DST: variants seen among roughly 807,000 people sequenced by gnomAD.
DST encodes the protein dystonin, also known as bullous pemphigoid antigen.
Under a neutral mutation model 875.2 loss-of-function variants are expected in DST, and 253 were observed. The ratio of observed to expected loss-of-function variants is 0.29; its 90% confidence interval spans 0.26 to 0.32. DST has a LOEUF of 0.32. DST is among the 10% of genes least tolerant of loss of function. DST has a pLI of 1.00. For missense variants in DST, 8,287 were observed against 9,111.6 expected (o/e 0.91, Z 3.68); for synonymous variants, 3,124 against 3,197.1 (o/e 0.98, Z 0.77).
chr6:56,787,939 G>A (rs2099708376), intron 4 of DST, among the ~76,000 whole-genome samples: 1 of 151,610 alleles, frequency 6.6e-6, no homozygotes, highest in African/African-American at 2.4e-5. Flanking sequence ...ACGAGTTCAA[G>A]ACCAGCCTGG....
intron 3 of DST, among the ~76,000 whole-genome samples, chr6:56,891,379 C>G (rs1787331431): frequency 6.6e-6 from 1 of 151,904 alleles, no homozygotes; most frequent in Non-Finnish European, 1.5e-5. Context: ...ACAACACAGA[C>G]AGACTCCACC....
Position 56,619,844 on chromosome 6 carries a change from G to A in DST, c.4929+4686C>T, listed in dbSNP as rs760447065. On this transcript the variant is annotated intron_variant, in intron 36 of 103. Transcript: ENST00000680361. The stretch of plus-strand genomic sequence containing the variant: ...CAAACGAGCCTTTTCCTCAGATGAC[G>A]TTTTTTCAAGCTGGAGGGCATTAAG... 1.2e-5 allele frequency: 19 copies of A among 1,613,934 alleles called. No homozygotes were observed. The East Asian group carries it at 2.2e-4, about 19-fold the overall frequency.
rs367820554 is a variant in DST, at chr6:56,492,408, T to A, written c.20576A>T (p.His6859Leu). ...GTCCAGCTCTATTATCTGCTCACGA[T>A]GAGAATTTACTTCATTGGCAAAAAC... ...HKVFANEVNS[H>L]REQIIELDKT... Residue 6859 changes from histidine to leucine, a missense_variant, in exon 85 of 104, where the codon CAT becomes CTT. This residue lies in a region of DST where 1,292 missense variants were observed against 1,552.7 expected (regional missense o/e 0.83). Coordinates refer to ENST00000680361, the MANE Select transcript of DST (RefSeq NM_001374736.1). 8 of 1,613,184 alleles carry A rather than the reference T, an allele frequency of 5.0e-6. No homozygotes were observed. The African/African-American group carries it at 9.4e-5, about 19-fold the overall frequency.
At chr6:56,512,525 C>T (rs2096496887) in intron 72 of DST, among the ~76,000 whole-genome samples, 1 of 152,164 alleles carries the variant, frequency 6.6e-6, no homozygotes, top group African/African-American at 2.4e-5. Flanking sequence ...TTTGTCCTCA[C>T]CAGAATGTGT....
chr6:56,891,878 CT>C (rs1214475196), intron 3 of DST, among the ~76,000 whole-genome samples: 1 of 152,232 alleles, frequency 6.6e-6, no homozygotes, highest in Non-Finnish European at 1.5e-5. Flanking sequence ...GTAATCTCCA[CT>C]GCTATTTGCT....
chr6:56,599,909 T>C (rs1031216680), intron 45 of DST, among the ~76,000 whole-genome samples, 160 bp downstream of exon 45: 1 of 152,120 alleles, frequency 6.6e-6, no homozygotes, highest in African/African-American at 2.4e-5. Flanking sequence ...AATCTAACTT[T>C]TAGTATAAAG....
Position 56,473,941 on chromosome 6 carries a change from T to G in DST, c.21926A>C (p.Lys7309Thr). Reference sequence around the variant, plus strand: ...TGAGGAAGGATCAGCAGCTCTCCTCTTATAGGTCTTCGTTACTTTATCAAC... The same window carrying G: ...TGAGGAAGGATCAGCAGCTCTCCTCGTATAGGTCTTCGTTACTTTATCAAC... ...PDVDKVTKTY[K>T]RRAADPSSLQ... Residue 7309 changes from lysine to threonine, a missense_variant, in exon 93 of 104, where the codon AAG (lysine) becomes ACG (threonine). Transcript: ENST00000680361. The G allele has an allele frequency of 6.3e-7, 1 of 1,589,656 alleles. No individual in the cohort carries two copies. The highest frequency in any genetic ancestry group is 8.6e-7 in the Non-Finnish European group (1 of 1,165,874).
Position 56,770,574 on chromosome 6 carries a change from C to T in DST, c.626-35285G>A, listed in dbSNP as rs534683689. On this transcript the variant is annotated intron_variant, in intron 4 of 103. Transcript: ENST00000680361. ...CACTACTGGATAAACTAAAAGTTGG[C>T]ATCCTCAGTCAATTTACCTGAGTGC... Among the ~76,000 whole-genome samples the T allele has an allele frequency of 2.2e-4, 33 of 152,242 alleles. 1 individual carries two copies. The South Asian group carries it at 2.7e-3, about 12-fold the overall frequency.
intron 9 of DST, 125 bp downstream of exon 9, chr6:56,699,528 T>C (rs866384569): frequency 6.9e-5 from 39 of 569,256 alleles, no homozygotes; most frequent in African/African-American, 6.0e-4. Flanking sequence ...TTCAAATATA[T>C]TACTTAAAGA....
intron 26 of DST, 68 bp downstream of exon 26, chr6:56,634,394 T>C: frequency 6.2e-7 from 1 of 1,608,310 alleles, no homozygotes; most frequent in Non-Finnish European, 8.5e-7. Context: ...GACAAAGTAT[T>C]GATTGTTCCT....
intron 4 of DST, among the ~76,000 whole-genome samples, chr6:56,747,909 C>T (rs1006396397): frequency 2.6e-5 from 4 of 151,914 alleles, no homozygotes; most frequent in African/African-American, 9.7e-5. Flanking sequence ...GAACAGTTTT[C>T]ACTTTAAAAA....
chr6:56,843,527 C>A, intron 4 of DST: 5 of 984,546 alleles, frequency 5.1e-6, no homozygotes, highest in Non-Finnish European at 4.8e-6. Context: ...CCTCTGCGGC[C>A]GCGCTGACCG....
At chr6:56,843,438 G>A (rs1194354544) in intron 4 of DST, 12 of 1,033,846 alleles carry the variant, frequency 1.2e-5, no homozygotes, top group Non-Finnish European at 1.4e-5. Flanking sequence ...GAGCCCAGGG[G>A]CGGCGACGAG....
intron 87 of DST, among the ~76,000 whole-genome samples, chr6:56,485,713 C>T (rs780396952): frequency 6.6e-6 from 1 of 152,136 alleles, no homozygotes; most frequent in Non-Finnish European, 1.5e-5. Flanking sequence ...ACCATGGACC[C>T]TTCATGTTTC....
chr6:56,763,233 C>T (rs997592553), intron 4 of DST, among the ~76,000 whole-genome samples: 1 of 152,090 alleles, frequency 6.6e-6, no homozygotes, highest in African/African-American at 2.4e-5. Context: ...TAGTTTTCTC[C>T]TTACATATTT....
At chr6:56,770,867 G>T (rs1295894646) in intron 4 of DST, among the ~76,000 whole-genome samples, 2 of 152,042 alleles carry the variant, frequency 1.3e-5, no homozygotes, top group African/African-American at 4.8e-5. Context: ...GTGCATGGTG[G>T]TGCATGCCTG....
At chr6:56,916,987 TA>T (rs1161421788) in intron 2 of DST, among the ~76,000 whole-genome samples, 1,461 of 35,532 alleles carry the variant, frequency 0.041, 7 homozygotes, top group East Asian at 0.091. Context: ...CCAGGCATGC[TA>T]AAAAAAAAAA....
intron 2 of DST, among the ~76,000 whole-genome samples, chr6:56,923,165 C>A (rs1433522797): frequency 6.6e-6 from 1 of 151,954 alleles, no homozygotes; most frequent in Non-Finnish European, 1.5e-5. Context: ...TAATTCACTA[C>A]AGTTATAAAT....
intron 90 of DST, among the ~76,000 whole-genome samples, chr6:56,480,096 T>G (rs193105446): frequency 6.6e-6 from 1 of 152,360 alleles, no homozygotes; most frequent in East Asian, 1.9e-4. Context: ...TTCCCGGTAG[T>G]TGGTTCAAAA....
Sources: gnomAD v4.1 joint callset for allele counts (sites outside exome capture counted in the v4.1 genomes callset) on GRCh38, gnomAD v4.1.1 for gene constraint, gnomAD v4.1.1 regional missense constraint, MANE v1.5 for transcripts, NCBI Gene and HGNC (gene_info 2026-07-23, HGNC 2026-07-21) for gene names.